EXOC6B: variants seen among roughly 807,000 people sequenced by gnomAD.
The protein encoded by EXOC6B is SEC15 homolog B.
In EXOC6B, 54 loss-of-function variants were observed where a neutral mutation model predicts 113.5. That is an observed-to-expected ratio of 0.48 (90% CI 0.38 to 0.60). The LOEUF (loss-of-function observed/expected upper bound fraction) is 0.60. Among genes scored for constraint, EXOC6B ranks in the 20% least tolerant of loss-of-function variants. The pLI, the probability that EXOC6B is intolerant of heterozygous loss-of-function variation, is 0.00. For missense variants in EXOC6B, 797 were observed against 977.5 expected (o/e 0.82, Z 2.46); for synonymous variants, 357 against 339.0 (o/e 1.05, Z -0.58).
chr2:72,197,390 T>C (rs1679238072), intron 20 of EXOC6B, among the ~76,000 whole-genome samples: 1 of 152,074 alleles, frequency 6.6e-6, no homozygotes, highest in East Asian at 1.9e-4. Flanking sequence ...GCTAATTGGA[T>C]GAAAGCAGAG....
intron 18 of EXOC6B, among the ~76,000 whole-genome samples, chr2:72,406,784 A>G (rs1693802042): frequency 6.6e-6 from 1 of 152,208 alleles, no homozygotes; most frequent in African/African-American, 2.4e-5. Context: ...TAACATCACA[A>G]TTAAAAGAAC....
At chr2:72,512,719 G>A (rs551025212) in intron 11 of EXOC6B, among the ~76,000 whole-genome samples, 8 of 151,838 alleles carry the variant, frequency 5.3e-5, no homozygotes, top group Admixed American at 2.6e-4. Context: ...GTTTCAATCC[G>A]ACTTCTACTT....
intron 8 of EXOC6B, among the ~76,000 whole-genome samples, chr2:72,554,922 C>T (rs1573383349): frequency 6.6e-6 from 1 of 151,968 alleles, no homozygotes; most frequent in Admixed American, 6.6e-5. Flanking sequence ...CAACCCCTGA[C>T]AGGCCCCAGT....
intron 5 of EXOC6B, 139 bp downstream of exon 5, chr2:72,730,868 A>C (rs907548936): frequency 7.3e-6 from 4 of 551,074 alleles, no homozygotes; most frequent in Non-Finnish European, 1.2e-5. Context: ...TAAATCTAGA[A>C]TGAATCAATA....
Position 72,515,039 on chromosome 2 carries a change from C to G in EXOC6B, c.999+4G>C, listed in dbSNP as rs1404649840. 3 of 1,598,308 alleles carry G rather than the reference C, an allele frequency of 1.9e-6. No individual in the cohort carries two copies. In the Admixed American group the frequency reaches 5.2e-5, roughly 28 times the overall value. The stretch of plus-strand genomic sequence containing the variant: ...TGTGAGAAAAGTGAAGATGGTAATC[C>G]TACCATGTTAGATGGAGGTTGAAGT... On this transcript the variant is annotated splice_donor_region_variant and intron_variant, in intron 9 of 21. Coordinates refer to ENST00000272427, the MANE Select transcript of EXOC6B (RefSeq NM_015189.3).
chr2:72,656,532 C>G (rs2104426882), intron 6 of EXOC6B, among the ~76,000 whole-genome samples: 1 of 152,092 alleles, frequency 6.6e-6, no homozygotes, highest in East Asian at 1.9e-4. Context: ...CAAAAAATTG[C>G]AAATTGAAAC....
At chr2:72,382,859 AT>A (rs1691774363) in intron 18 of EXOC6B, among the ~76,000 whole-genome samples, 1 of 152,066 alleles carries the variant, frequency 6.6e-6, no homozygotes, top group Non-Finnish European at 1.5e-5. Context: ...AAGGCTACTG[AT>A]TTTTGTACAT....
chr2:72,496,327 C>G, intron 14 of EXOC6B, 127 bp downstream of exon 14: 2 of 567,096 alleles, frequency 3.5e-6, no homozygotes, highest in South Asian at 5.0e-5. Flanking sequence ...AAAAAGAATC[C>G]TTTGAAATTG....
At chr2:72,448,286 A>G (rs962885325) in intron 18 of EXOC6B, among the ~76,000 whole-genome samples, 13 of 152,038 alleles carry the variant, frequency 8.6e-5, no homozygotes, top group Non-Finnish European at 1.5e-4. Flanking sequence ...TAATTTTTTG[A>G]TCCTCTTCAT....
intron 20 of EXOC6B, among the ~76,000 whole-genome samples, chr2:72,221,547 TTACAAC>T (rs1481886558): frequency 1.3e-5 from 2 of 152,276 alleles, no homozygotes; most frequent in Admixed American, 1.3e-4. Flanking sequence ...CAGCACTTAT[TTACAAC>T]TACAACTACA....
chr2:72,723,126 A>T (rs1044488493), intron 5 of EXOC6B, among the ~76,000 whole-genome samples: 37 of 152,336 alleles, frequency 2.4e-4, no homozygotes, highest in Non-Finnish European at 4.7e-4. Context: ...AAAGAAAAAA[A>T]ATATGTCCAG....
chr2:72,550,166 TAAG>T lies in EXOC6B; in HGVS notation c.915+9284_915+9286del, dbSNP rs1553440330. 4.6e-5 allele frequency among the ~76,000 whole-genome samples: 7 copies of T among 151,304 alleles called. No homozygotes were observed. The South Asian group carries it at 8.4e-4, about 18-fold the overall frequency. On this transcript the variant is annotated intron_variant, in intron 8 of 21. Coordinates refer to ENST00000272427, the MANE Select transcript of EXOC6B (RefSeq NM_015189.3). ...CAGTAATATTAATTATATTACAAAA[TAAG>T]AAAAAAAAATTACAAACATTTATAT...
chr2:72,751,141 GGTTAAGAACACACCT>G (rs1682012345), intron 1 of EXOC6B, among the ~76,000 whole-genome samples: 1 of 152,080 alleles, frequency 6.6e-6, no homozygotes, highest in Non-Finnish European at 1.5e-5. Flanking sequence ...ATTTTGCCAA[GGTTAAGAACACACCT>G]GTGACATAGC....
chr2:72,363,350 A>T (rs1690433494), intron 19 of EXOC6B, among the ~76,000 whole-genome samples: 1 of 152,098 alleles, frequency 6.6e-6, no homozygotes. Flanking sequence ...TGTAGAAAAC[A>T]GCTGAACTGA....
intron 6 of EXOC6B, among the ~76,000 whole-genome samples, chr2:72,610,734 C>T (rs934597112): frequency 5.3e-5 from 8 of 152,074 alleles, no homozygotes; most frequent in Non-Finnish European, 1.0e-4. Context: ...TACATAGATA[C>T]CACAGCCAAG....
intron 18 of EXOC6B, among the ~76,000 whole-genome samples, chr2:72,446,553 A>G (rs1430943155): frequency 6.6e-6 from 1 of 152,178 alleles, no homozygotes; most frequent in East Asian, 1.9e-4. Flanking sequence ...TCTCACTTGT[A>G]AGTGGGAGAT....
chr2:72,514,595 TAAATAAATAA>T lies in EXOC6B; in HGVS notation c.1046+29_1046+38del, dbSNP rs752761914. On this transcript the variant is annotated intron_variant, in intron 10 of 21. Transcript: ENST00000272427. ...AAATTTCAATAAATAAATAAATAAA[TAAATAAATAA>T]ATATATATATATATATATATATACC... is the stretch of plus-strand genomic sequence containing the variant. The T allele has an allele frequency of 1.7e-4, 41 of 242,870 alleles. No homozygotes were observed. In the Admixed American group the frequency reaches 2.5e-3, roughly 15 times the overall value. The allele number at this position is 242,870 out of a possible 1,614,324, so 15.0% of individuals were successfully genotyped here. A position where few individuals can be genotyped will look rare whatever the true frequency, so the allele number is the denominator to read the frequency against.
At chr2:72,751,102 A>G (rs943201008) in intron 1 of EXOC6B, among the ~76,000 whole-genome samples, 2 of 152,176 alleles carry the variant, frequency 1.3e-5, no homozygotes, top group African/African-American at 4.8e-5. Flanking sequence ...AAAATATCTG[A>G]GACAGGTCTC....
chr2:72,346,323 T>G (rs1486227087), intron 19 of EXOC6B, among the ~76,000 whole-genome samples: 1 of 152,110 alleles, frequency 6.6e-6, no homozygotes, highest in Non-Finnish European at 1.5e-5. Flanking sequence ...CAGATCAATC[T>G]CCATCTGGCT....
Sources: allele counts gnomAD v4.1 joint callset (sites outside exome capture counted in the v4.1 genomes callset), GRCh38; gene constraint gnomAD v4.1.1; transcripts MANE v1.5; gene names NCBI Gene and HGNC (gene_info 2026-07-23, HGNC 2026-07-21).